UPF2: variants seen among roughly 807,000 people sequenced by gnomAD.
UPF2 encodes the protein regulator of nonsense transcripts 2.
A neutral mutation model predicts 141.4 loss-of-function variants in UPF2; 17 were observed. The ratio of observed to expected loss-of-function variants is 0.12; its 90% CI spans 0.08 to 0.18. The LOEUF (loss-of-function observed/expected upper bound fraction) is 0.18. Among genes scored for constraint, UPF2 ranks in the 10% least tolerant of loss-of-function variants. The probability of loss-of-function intolerance (pLI) is 1.00; values close to 1 mark genes in which losing one functional copy is unlikely to be tolerated. For missense variants in UPF2, 1,152 were observed against 1,515.9 expected, an observed-to-expected ratio of 0.76 and a Z score of 3.99; for synonymous variants, 540 against 498.0, an observed-to-expected ratio of 1.08 and a Z score of -1.12.
At chr10:11,974,635 G>A (rs560578277) in intron 9 of UPF2, among the ~76,000 whole-genome samples, 1 of 152,180 alleles carries the variant, frequency 6.6e-6, no homozygotes, top group Non-Finnish European at 1.5e-5. Flanking sequence ...ATTGAGATAA[G>A]CGTGTGGTTT....
In UPF2 at chr10:12,001,688, G is replaced by C. The variant is rs1358281281; in HGVS notation, c.1642C>G (p.Leu548Val). ...DEAEDLTKKLLDEQEQEDEEA... is the reference protein window; with the variant it reads ...DEAEDLTKKLVDEQEQEDEEA... ...ATTAGTTCTTTACCTTGTTCATCAAGAAGTTTCTTTGTAAGATCTTCAGCT... is the reference window on the plus strand; with the variant it reads ...ATTAGTTCTTTACCTTGTTCATCAACAAGTTTCTTTGTAAGATCTTCAGCT... Residue 548 changes from leucine (L) to valine (V), a missense_variant, in exon 6 of 22, where the codon CTT (leucine) becomes GTT (valine). Physicochemically the swap from Leu to Val is conservative, Grantham distance 32 (BLOSUM62 1). Around this residue, in one of 4 missense-constraint regions of UPF2, gnomAD observed 739 missense variants for 1,032.2 expected, o/e 0.72. Coordinates refer to ENST00000357604, the MANE Select transcript of UPF2 (RefSeq NM_015542.4). 6.2e-7 allele frequency: 1 copy of C among 1,601,608 alleles called. No individual in the cohort carries two copies. The highest frequency in any genetic ancestry group is 8.5e-7 in the Non-Finnish European group (1 of 1,176,544).
At chr10:11,944,639 CA>C (rs1832978895) in intron 16 of UPF2, among the ~76,000 whole-genome samples, 1 of 152,180 alleles carries the variant, frequency 6.6e-6, no homozygotes, top group African/African-American at 2.4e-5. Context: ...CCTTTCTCAA[CA>C]CTTAAAAGAC....
intron 9 of UPF2, among the ~76,000 whole-genome samples, chr10:11,976,289 T>C (rs1833505853): frequency 6.6e-6 from 1 of 152,122 alleles, no homozygotes; most frequent in Non-Finnish European, 1.5e-5. Flanking sequence ...CGGGAAAAGC[T>C]CGTTAAAAAT....
At chr10:11,955,078 A>T (rs191882392) in intron 14 of UPF2, among the ~76,000 whole-genome samples, 154 bp downstream of exon 14, 252 of 152,216 alleles carry the variant, frequency 1.7e-3, no homozygotes, top group Non-Finnish European at 1.9e-3. Context: ...ATATATCTTT[A>T]AATTTCCAAA....
At chr10:11,926,238 G>A (rs1208358981) in intron 21 of UPF2, among the ~76,000 whole-genome samples, 3 of 152,160 alleles carry the variant, frequency 2.0e-5, no homozygotes, top group East Asian at 3.8e-4. Flanking sequence ...GTGGACAAGA[G>A]GGCAGACAAC....
In UPF2 at chr10:11,930,105, A is replaced by G; in HGVS notation, c.3689-120T>C. 10 of 1,392,266 alleles carry G rather than the reference A, an allele frequency of 7.2e-6. No individual in the cohort carries two copies. In the South Asian group the frequency reaches 1.4e-4, roughly 19 times the overall value. 86.2% of individuals were successfully genotyped at this position (1,392,266 alleles called of 1,614,324 possible). A position where few individuals can be genotyped will look rare whatever the true frequency, so the allele number is the denominator to read the frequency against. The stretch of plus-strand genomic sequence containing the variant: ...AGTCCTGTCAGGGAGCTGACTAAAG[A>G]AAAATAGCCATTATACAGACTAAAA... On this transcript the variant is annotated intron_variant, in intron 20 of 21. Transcript: ENST00000357604.
At chr10:12,017,154 TTATATTAAAGGGATAATAC>T (rs1834237202) in intron 3 of UPF2, among the ~76,000 whole-genome samples, 1 of 152,006 alleles carries the variant, frequency 6.6e-6, no homozygotes, top group Non-Finnish European at 1.5e-5. Flanking sequence ...CTGAAGCAAA[TTATATTAAAGGGATAATAC>T]TGGTTCTAAG....
At chr10:11,974,324 C>T (rs571430476) in intron 9 of UPF2, among the ~76,000 whole-genome samples, 2 of 152,264 alleles carry the variant, frequency 1.3e-5, no homozygotes, top group African/African-American at 2.4e-5. Context: ...CATCTGCAAA[C>T]AGGGACAATT....
chr10:11,950,839 T>A (rs1833064101), intron 15 of UPF2, among the ~76,000 whole-genome samples: 1 of 152,242 alleles, frequency 6.6e-6, no homozygotes, highest in Non-Finnish European at 1.5e-5. Context: ...TATATGCCTT[T>A]ACGGGTTAAG....
intron 20 of UPF2, among the ~76,000 whole-genome samples, chr10:11,930,384 A>G (rs1267072418): frequency 1.3e-5 from 2 of 152,208 alleles, no homozygotes; most frequent in African/African-American, 4.8e-5. Flanking sequence ...TAACAACAAC[A>G]CTTATCTCAA....
chr10:11,962,891 C>T (rs1028380389), intron 11 of UPF2, among the ~76,000 whole-genome samples: 1 of 152,242 alleles, frequency 6.6e-6, no homozygotes, highest in African/African-American at 2.4e-5. Context: ...TTTCAAGAAC[C>T]CTTTCCTGAT....
At chr10:11,977,721 T>C (rs1258466159) in intron 9 of UPF2, among the ~76,000 whole-genome samples, 1 of 152,210 alleles carries the variant, frequency 6.6e-6, no homozygotes, top group East Asian at 1.9e-4. Context: ...GTCTCTGAAC[T>C]AGCAGCATTT....
At position 11,921,809 on chromosome 10, in the gene UPF2, T is replaced by C. The variant is rs897589462; in HGVS notation, c.3810-502A>G. Among the ~76,000 whole-genome samples the C allele has an allele frequency of 7.8e-6, 1 of 127,624 alleles. No individual in the cohort carries two copies. Among genetic ancestry groups the C allele is most frequent in the African/African-American group, 2.6e-5 (1 of 39,084 alleles). 83.7% of individuals were successfully genotyped at this position (127,624 alleles called of 152,430 possible). A position where few individuals can be genotyped will look rare whatever the true frequency, so the allele number is the denominator to read the frequency against. On this transcript the variant is annotated intron_variant, in intron 21 of 21. Coordinates refer to ENST00000357604, the MANE Select transcript of UPF2 (RefSeq NM_015542.4). This position sits in a 1 kb window ranked among gnomAD's most constrained non-coding sequence, Gnocchi z 5.9. Reference sequence around the variant, plus strand: ...TGGCTGGAGGAGTGGCTCTGTTCTCTTCTACAACTTATTCTTAAGGTGCTA... The same window carrying C: ...TGGCTGGAGGAGTGGCTCTGTTCTCCTCTACAACTTATTCTTAAGGTGCTA...
chr10:12,042,959 A>AG (rs1193391712), upstream of UPF2: 3 of 151,066 alleles, frequency 2.0e-5, no homozygotes, highest in East Asian at 2.0e-4. This position sits in a 1 kb window ranked among gnomAD's most constrained non-coding sequence, Gnocchi z 5.5. Flanking sequence ...AGGAGGCGAG[A>AG]GGGAAAAGGC....
In UPF2 at chr10:12,016,849, C is replaced by T. The variant is rs192110365; in HGVS notation, c.1146-2665G>A. Reference sequence around the variant, plus strand: ...ATCAGCCTGGCCCATGGTGAAAACTCGTCTCTACAAAAACATAAAAATTAG... The same window carrying T: ...ATCAGCCTGGCCCATGGTGAAAACTTGTCTCTACAAAAACATAAAAATTAG... On this transcript the variant is annotated intron_variant, in intron 3 of 21. Coordinates refer to ENST00000357604, the MANE Select transcript of UPF2 (RefSeq NM_015542.4). This position sits in a 1 kb window ranked among gnomAD's most constrained non-coding sequence, Gnocchi z 4.1. Among the ~76,000 whole-genome samples, 1 of 151,380 alleles carries T rather than the reference C, an allele frequency of 6.6e-6. No homozygotes were observed. The highest frequency in any genetic ancestry group is 1.5e-5 in the Non-Finnish European group (1 of 67,814).
intron 4 of UPF2, among the ~76,000 whole-genome samples, chr10:12,007,954 C>A (rs186675310): frequency 6.6e-6 from 1 of 151,426 alleles, no homozygotes; most frequent in African/African-American, 2.4e-5. Context: ...GCAATCTCAG[C>A]TCACTGCAAC....
chr10:11,927,229 C>T (rs1016153530), intron 21 of UPF2, among the ~76,000 whole-genome samples: 14 of 152,164 alleles, frequency 9.2e-5, no homozygotes, highest in African/African-American at 3.4e-4. Context: ...TGAGTCTACA[C>T]AAATTACTAA....
chr10:12,015,144 C>A (rs1192012583), intron 3 of UPF2, among the ~76,000 whole-genome samples: 1 of 152,138 alleles, frequency 6.6e-6, no homozygotes. Context: ...AATGCAAATA[C>A]ATTGTTTCAA....
At chr10:11,962,039 A>G (rs1301010235) in intron 11 of UPF2, among the ~76,000 whole-genome samples, 3 of 152,226 alleles carry the variant, frequency 2.0e-5, no homozygotes, top group African/African-American at 7.2e-5. Context: ...TAAAAGAGCT[A>G]GAGATTTAAT....
Sources: allele counts gnomAD v4.1 joint callset (sites outside exome capture counted in the v4.1 genomes callset), GRCh38; gene constraint gnomAD v4.1.1; regional missense constraint gnomAD v4.1.1; non-coding constraint Gnocchi (gnomAD v3.1); transcripts MANE v1.5; gene names NCBI Gene and HGNC (gene_info 2026-07-23, HGNC 2026-07-21).